JAM2: variants seen among roughly 807,000 people sequenced by gnomAD.
JAM2 encodes the protein junctional adhesion molecule B.
In JAM2, 17 loss-of-function variants were observed where a neutral mutation model predicts 42.0. The ratio of observed to expected loss-of-function variants is 0.40; its 90% confidence interval spans 0.28 to 0.61. JAM2 has a LOEUF of 0.61. Ranked by LOEUF, JAM2 falls within the 20% of genes least tolerant of loss-of-function variation. JAM2 has a pLI of 0.37. For synonymous variants in JAM2, 118 were observed against 128.6 expected (o/e 0.92, Z 0.56); for missense variants, 319 against 358.3 (o/e 0.89, Z 0.89).
chr21:25,701,924 T>TAA (rs60430187), intron 5 of JAM2, among the ~76,000 whole-genome samples: 1 of 144,752 alleles, frequency 6.9e-6, no homozygotes, highest in African/African-American at 2.5e-5. Flanking sequence ...CTTTCATGGT[T>TAA]AAAAAAAAAA....
intron 1 of JAM2, among the ~76,000 whole-genome samples, chr21:25,668,544 T>C (rs1357913952): frequency 6.6e-6 from 1 of 152,190 alleles, no homozygotes; most frequent in East Asian, 1.9e-4. Flanking sequence ...AAATGCCAGA[T>C]TTTTCTCAAC....
At chr21:25,642,626 T>C (rs1318340006) in intron 1 of JAM2, among the ~76,000 whole-genome samples, 1 of 152,200 alleles carries the variant, frequency 6.6e-6, no homozygotes, top group East Asian at 1.9e-4. Context: ...TAAACGATGA[T>C]GTCAGTATCC....
At chr21:25,639,980 G>C (rs2032384323) in intron 1 of JAM2, 92 bp downstream of exon 1, 1 of 905,098 alleles carries the variant, frequency 1.1e-6, no homozygotes, top group Non-Finnish European at 1.6e-6. Context: ...CAGTGTCTGG[G>C]CGGCTCTGGG....
At chr21:25,710,775 G>A (rs1202826925) in intron 8 of JAM2, among the ~76,000 whole-genome samples, 1 of 152,212 alleles carries the variant, frequency 6.6e-6, no homozygotes, top group Non-Finnish European at 1.5e-5. Flanking sequence ...TTTGGTCTGA[G>A]TAAGATAGAA....
At chr21:25,698,933 A>G in intron 5 of JAM2, 54 bp downstream of exon 5, 1 of 1,479,194 alleles carries the variant, frequency 6.8e-7, no homozygotes, top group Non-Finnish European at 9.4e-7. Context: ...GGATAAAAAA[A>G]TTATTAGAAC....
rs114882399 is a variant in JAM2, at chr21:25,707,611, T to A, written c.805+1525T>A. The stretch of plus-strand genomic sequence containing the variant: ...CTTGTAACTTCACACCTCCATTTGA[T>A]AATGCAATAGGTTTGATGTAAATGG... On this transcript the variant is annotated intron_variant, in intron 7 of 9. Coordinates refer to ENST00000480456, the MANE Select transcript of JAM2 (RefSeq NM_021219.4). Among the ~76,000 whole-genome samples the A allele has an allele frequency of 9.3e-3, 1,419 of 152,350 alleles. 26 individuals carry two copies. The highest frequency in any genetic ancestry group is 0.033 in the African/African-American group (1,356 of 41,566).
At chr21:25,694,648 T>C (rs900158310) in intron 4 of JAM2, among the ~76,000 whole-genome samples, 2 of 151,956 alleles carry the variant, frequency 1.3e-5, no homozygotes, top group African/African-American at 2.4e-5. Flanking sequence ...CTGGGCAGCA[T>C]AGTGAGTCCC....
In JAM2 at chr21:25,683,941, G is replaced by A; in HGVS notation, c.126G>A (p.Glu42=). 6.3e-7 allele frequency: 1 copy of A among 1,597,128 alleles called. No individual in the cohort carries two copies. The highest frequency in any genetic ancestry group is 8.6e-7 in the Non-Finnish European group (1 of 1,165,964). Residue 42 remains glutamate, a synonymous_variant, in exon 2 of 10, where the codon GAG becomes GAA. Transcript: ENST00000480456. ...ACCAACAAGTAGTCACAGCAGTAGAGTACCAAGGTACAGTATCTTACTGAT... is the reference window on the plus strand; with the variant it reads ...ACCAACAAGTAGTCACAGCAGTAGAATACCAAGGTACAGTATCTTACTGAT... ...PKDQQVVTAV[E]YQEAILACKT...
At chr21:25,681,196 C>T (rs532710721) in intron 1 of JAM2, among the ~76,000 whole-genome samples, 9 of 152,210 alleles carry the variant, frequency 5.9e-5, no homozygotes, top group Middle Eastern at 3.4e-3. Flanking sequence ...GGGTGAATAA[C>T]GAAGGACAGC....
chr21:25,672,361 G>A (rs2033381425), intron 1 of JAM2, among the ~76,000 whole-genome samples: 1 of 152,230 alleles, frequency 6.6e-6, no homozygotes, highest in Non-Finnish European at 1.5e-5. Flanking sequence ...GTGCAGAGAT[G>A]CACAGATTCT....
rs376295762 is a variant in JAM2, at chr21:25,643,047, G to A, written c.67+3159G>A. On this transcript the variant is annotated intron_variant, in intron 1 of 9. Coordinates refer to ENST00000480456, the MANE Select transcript of JAM2 (RefSeq NM_021219.4). ...CGCACTGTTGTCATGACCAGATCAC[G>A]GTCCAAAGCCTTCAACTCCTAATAC... Among the ~76,000 whole-genome samples, 11 of 152,224 alleles carry A rather than the reference G, an allele frequency of 7.2e-5. No homozygotes were observed. In the East Asian group the frequency reaches 1.4e-3, roughly 19 times the overall value.
chr21:25,651,450 T>G (rs1020031017), intron 1 of JAM2, among the ~76,000 whole-genome samples: 3 of 152,174 alleles, frequency 2.0e-5, no homozygotes, highest in African/African-American at 4.8e-5. Flanking sequence ...GTTATTGAAG[T>G]TGTATGGAAA....
intron 1 of JAM2, among the ~76,000 whole-genome samples, chr21:25,682,480 G>A (rs182091322): frequency 9.2e-5 from 14 of 152,370 alleles, no homozygotes; most frequent in Admixed American, 9.1e-4. Context: ...CGACAGGGGT[G>A]TGGCTCACCT....
Position 25,651,061 on chromosome 21 carries a change from CAAAA to C in JAM2, c.67+11192_67+11195del, listed in dbSNP as rs35308745. On this transcript the variant is annotated intron_variant, in intron 1 of 9. Transcript: ENST00000480456. ...TAAATAAAACCATACCTCCCCCCGC[CAAAA>C]AAAAAAAAAAAAAAAAAACAAAGTA... 6.4e-3 allele frequency among the ~76,000 whole-genome samples: 457 copies of C among 71,056 alleles called. 2 individuals carry two copies. The highest frequency in any genetic ancestry group is 0.023 in the African/African-American group (434 of 19,108). 46.6% of individuals were successfully genotyped at this position (71,056 alleles called of 152,430 possible).
chr21:25,667,748 C>A (rs775199100), intron 1 of JAM2, among the ~76,000 whole-genome samples: 10 of 152,114 alleles, frequency 6.6e-5, no homozygotes, highest in Non-Finnish European at 1.3e-4. Context: ...TTACTGAGTA[C>A]CATATGGCAA....
At chr21:25,654,670 T>C (rs1243933290) in intron 1 of JAM2, among the ~76,000 whole-genome samples, 1 of 123,580 alleles carries the variant, frequency 8.1e-6, no homozygotes, top group Non-Finnish European at 1.7e-5. Flanking sequence ...AAAAAAAAAA[T>C]TGGAAGCACA....
chr21:25,709,670 ATT>A, intron 8 of JAM2: 1 of 378,336 alleles, frequency 2.6e-6, no homozygotes, highest in Non-Finnish European at 4.9e-6. Flanking sequence ...AAGAGGTTTA[ATT>A]GGCTCACGGT....
intron 1 of JAM2, among the ~76,000 whole-genome samples, chr21:25,675,169 TGAGCTA>T (rs937514331): frequency 2.4e-4 from 37 of 152,120 alleles, no homozygotes; most frequent in Middle Eastern, 3.4e-3. Context: ...TCACATGGTG[TGAGCTA>T]GAGCAAGAGA....
At chr21:25,714,435 T>C in intron 9 of JAM2, 1 of 483,548 alleles carries the variant, frequency 2.1e-6, no homozygotes, top group Non-Finnish European at 3.6e-6. Context: ...GAGGCGGAGG[T>C]TGCAGTGAGC....
Sources: allele counts gnomAD v4.1 joint callset (sites outside exome capture counted in the v4.1 genomes callset), GRCh38; gene constraint gnomAD v4.1.1; transcripts MANE v1.5; gene names NCBI Gene and HGNC (gene_info 2026-07-23, HGNC 2026-07-21).